Variants in STAB2 observed in about 807,000 individuals in gnomAD.
STAB2 encodes the protein stabilin 2.
Under a neutral mutation model 338.1 loss-of-function variants are expected in STAB2, and 288 were observed. That is an observed-to-expected ratio of 0.85 (90% CI 0.77 to 0.94). The LOEUF (loss-of-function observed/expected upper bound fraction) is 0.94, where lower values mean the gene tolerates loss of function less well. Among genes scored for constraint, STAB2 ranks in the 40% least tolerant of loss-of-function variants. The pLI is 0.00. For missense variants in STAB2, 3,141 were observed against 3,210.1 expected (o/e 0.98, Z 0.52); for synonymous variants, 1,202 against 1,193.3 (o/e 1.01, Z -0.15).
intron 5 of STAB2, among the ~76,000 whole-genome samples, chr12:103,627,996 G>T (rs972783757): frequency 6.6e-6 from 1 of 152,130 alleles, no homozygotes; most frequent in South Asian, 2.1e-4. Flanking sequence ...AAATATTTTT[G>T]AATTGAATTG....
intron 35 of STAB2, among the ~76,000 whole-genome samples, chr12:103,704,336 A>T (rs556454695): frequency 1.6e-4 from 25 of 152,330 alleles, no homozygotes; most frequent in Admixed American, 6.5e-5. Context: ...AGATAAGGTC[A>T]CACTTTAAAG....
At position 103,660,818 on chromosome 12, in the gene STAB2, ATGATTATTCAT is replaced by A. The variant is rs1311797928; in HGVS notation, c.1869+56_1869+66del. 8 of 1,554,300 alleles carry A rather than the reference ATGATTATTCAT, an allele frequency of 5.1e-6. No individual in the cohort carries two copies. In the East Asian group the frequency reaches 1.8e-4, roughly 35 times the overall value. On this transcript the variant is annotated intron_variant, in intron 17 of 68. Coordinates refer to ENST00000388887, the MANE Select transcript of STAB2 (RefSeq NM_017564.10). ...CACTTGAACACATCTTTGCTCGATA[ATGATTATTCAT>A]CAGGTTATCCTGCCTCTATGCTAAC...
chr12:103,689,254 G>GGGT (rs1174706665), intron 28 of STAB2, among the ~76,000 whole-genome samples: 1 of 152,120 alleles, frequency 6.6e-6, no homozygotes, highest in Non-Finnish European at 1.5e-5. Context: ...AGGCTGAGGT[G>GGGT]GGTGGATCAG....
chr12:103,620,624 AACACACACACAC>A (rs34881989), intron 4 of STAB2, 71 bp downstream of exon 4: 7 of 842,426 alleles, frequency 8.3e-6, no homozygotes, highest in Non-Finnish European at 1.1e-5. Flanking sequence ...ATCCTCCTTA[AACACACACACAC>A]ACACACACAC....
Position 103,761,412 on chromosome 12 carries a change from T to C in STAB2, c.7359+2T>C. 1.2e-6 allele frequency: 2 copies of C among 1,613,056 alleles called. No homozygotes were observed. The highest frequency in any genetic ancestry group is 1.3e-5 in the African/African-American group (1 of 74,958). ...TTAAAAGCACCCCCTGCCCCCGTGG[T>C]GAGTATCTAGGGTCCCTGATAACGG... On this transcript the variant is annotated splice_donor_variant, in intron 66 of 68. Transcript: ENST00000388887. LOFTEE classifies it high-confidence loss of function.
chr12:103,728,511 G>T (rs1881388278), intron 47 of STAB2, among the ~76,000 whole-genome samples: 1 of 152,216 alleles, frequency 6.6e-6, no homozygotes, highest in South Asian at 2.1e-4. Context: ...TATATACTAT[G>T]CAGTGTTTCC....
At chr12:103,754,666 T>C (rs1435496096) in intron 61 of STAB2, among the ~76,000 whole-genome samples, 1 of 152,070 alleles carries the variant, frequency 6.6e-6, no homozygotes, top group Non-Finnish European at 1.5e-5. Context: ...ATTAGAGTTC[T>C]AGGCCAGGCG....
chr12:103,652,107 A>C (rs1873788354), intron 11 of STAB2, among the ~76,000 whole-genome samples: 1 of 152,248 alleles, frequency 6.6e-6, no homozygotes, highest in Non-Finnish European at 1.5e-5. Context: ...CATGGATTTC[A>C]AAAATCTTAA....
At position 103,740,708 on chromosome 12, in the gene STAB2, A is replaced by G; in HGVS notation, c.5833A>G (p.Ile1945Val). The G allele has an allele frequency of 1.2e-6, 2 of 1,606,772 alleles. No homozygotes were observed. Among genetic ancestry groups the G allele is most frequent in the Non-Finnish European group, 1.7e-6 (2 of 1,177,548 alleles). ...CTGCCGGGAGCGGTGCAGCCTGGTG[A>G]TACAGATCCCCAGGTGCTGCAAGGG... ...EGCRERCSLV[I>V]QIPRCCKGYF... is the part of the protein sequence containing the mutation. The change falls in exon 55 of 69, where the codon ATA becomes GTA. Residue 1945 changes from isoleucine to valine, a missense_variant. Transcript: ENST00000388887.
At position 103,711,474 on chromosome 12, in the gene STAB2, C is replaced by T. The variant is rs376793205; in HGVS notation, c.4292C>T (p.Thr1431Ile). The part of the protein sequence containing the change: ...GWRGVHCDNA[T>I]TEDNCNGTCH... ...AGCAACTGGTTCTCTTTTTCAGCAACCACAGAAGACAACTGCAATGGGACA... is the reference window on the plus strand; with the variant it reads ...AGCAACTGGTTCTCTTTTTCAGCAATCACAGAAGACAACTGCAATGGGACA... The change falls in exon 40 of 69, where the codon ACC becomes ATC. Residue 1431 changes from threonine to isoleucine, a missense_variant. Transcript: ENST00000388887. The T allele has an allele frequency of 1.4e-4, 226 of 1,613,984 alleles. No homozygotes were observed. The highest frequency in any genetic ancestry group is 1.7e-4 in the Non-Finnish European group (202 of 1,180,032).
chr12:103,666,246 C>G (rs754155134), intron 18 of STAB2, 45 bp from the exon 19 acceptor site: 1 of 1,593,088 alleles, frequency 6.3e-7, no homozygotes, highest in Non-Finnish European at 8.6e-7. Context: ...GCCACTGCTC[C>G]CTCTCATAGG....
chr12:103,706,252 G>T (rs749989458), intron 37 of STAB2, among the ~76,000 whole-genome samples: 47 of 152,138 alleles, frequency 3.1e-4, no homozygotes, highest in Non-Finnish European at 6.5e-4. Flanking sequence ...AGAGCATAGG[G>T]GTGGGGGAGA....
chr12:103,746,725 G>A (rs961007898), intron 58 of STAB2, 21 bp downstream of exon 58: 1 of 1,609,914 alleles, frequency 6.2e-7, no homozygotes, highest in Non-Finnish European at 8.5e-7. Flanking sequence ...TTTGTGCACA[G>A]GTGAAATAGC....
chr12:103,679,328 A>T (rs980731890), intron 25 of STAB2, among the ~76,000 whole-genome samples: 1 of 151,872 alleles, frequency 6.6e-6, no homozygotes, highest in Non-Finnish European at 1.5e-5. Context: ...AGATCGTGCC[A>T]TTGCATTCCA....
At chr12:103,674,390 G>T (rs910949274) in intron 23 of STAB2, among the ~76,000 whole-genome samples, 1 of 152,146 alleles carries the variant, frequency 6.6e-6, no homozygotes. Flanking sequence ...ACCAAGCAGG[G>T]CAGTTGTGGA....
intron 68 of STAB2, among the ~76,000 whole-genome samples, chr12:103,765,176 C>G (rs1884846197): frequency 6.6e-6 from 1 of 150,960 alleles, no homozygotes; most frequent in African/African-American, 2.4e-5. Context: ...AAATCACCTT[C>G]ATTTAAAAAG....
chr12:103,762,431 T>C, intron 67 of STAB2, 29 bp downstream of exon 67: 6 of 1,614,120 alleles, frequency 3.7e-6, no homozygotes, highest in Middle Eastern at 1.6e-4. Context: ...AACATGATGA[T>C]GGGGTCCTCT....
intron 3 of STAB2, among the ~76,000 whole-genome samples, chr12:103,596,434 A>G (rs1249308187): frequency 6.6e-6 from 1 of 152,176 alleles, no homozygotes; most frequent in Non-Finnish European, 1.5e-5. Flanking sequence ...TGGTTGGGGC[A>G]AGTGACTTTC....
At chr12:103,626,311 G>A (rs117411878) in intron 5 of STAB2, among the ~76,000 whole-genome samples, 1,920 of 152,204 alleles carry the variant, frequency 0.013, 14 homozygotes, top group Middle Eastern at 0.051. Context: ...CATGTGGCTC[G>A]TGGCTACCAA....
Sources: allele counts gnomAD v4.1 joint callset (sites outside exome capture counted in the v4.1 genomes callset), GRCh38; gene constraint gnomAD v4.1.1; transcripts MANE v1.5; gene names NCBI Gene and HGNC (gene_info 2026-07-23, HGNC 2026-07-21).